The following SGIP1 variants were observed in gnomAD, a reference collection of about 807,000 sequenced individuals.
SGIP1 encodes SH3GL interacting endocytic adaptor 1.
In SGIP1, 38 loss-of-function variants were observed where a neutral mutation model predicts 107.5. The observed-to-expected ratio is 0.35, with a 90% CI of 0.27 to 0.46. The LOEUF (loss-of-function observed/expected upper bound fraction) is 0.46. Ranked by LOEUF, SGIP1 falls within the 20% of genes least tolerant of loss-of-function variation. The probability of loss-of-function intolerance (pLI) is 1.00; values close to 1 mark genes in which losing one functional copy is unlikely to be tolerated. For synonymous variants in SGIP1, 365 were observed against 366.1 expected (o/e 1.00, Z 0.03); for missense variants, 929 against 1,019.5 (o/e 0.91, Z 1.21).
chr1:66,613,607 G>A (rs893655253), intron 1 of SGIP1, among the ~76,000 whole-genome samples: 4 of 152,192 alleles, frequency 2.6e-5, no homozygotes, highest in South Asian at 2.1e-4. Flanking sequence ...TGGGATTACA[G>A]GCGTGAGCCA....
Position 66,615,382 on chromosome 1 carries a change from C to T in SGIP1, c.11-10465C>T, listed in dbSNP as rs555123741. 5.3e-5 allele frequency among the ~76,000 whole-genome samples: 8 copies of T among 152,314 alleles called. No individual in the cohort carries two copies. The South Asian group carries it at 1.7e-3, about 32-fold the overall frequency. ...TCCTGACCTCAGGTGACCCGCCTGC[C>T]TCAGCCTCCCAAAGTGGTGGAATTA... On this transcript the variant is annotated intron_variant, in intron 1 of 24. Coordinates refer to ENST00000371037, the MANE Select transcript of SGIP1 (RefSeq NM_032291.4).
chr1:66,552,372 AC>A (rs1369404584), intron 1 of SGIP1, among the ~76,000 whole-genome samples: 2 of 151,728 alleles, frequency 1.3e-5, no homozygotes, highest in African/African-American at 2.4e-5. Context: ...CTTCCACCTC[AC>A]CTTTCTTTTC....
chr1:66,698,340 A>C (rs2091310856), intron 18 of SGIP1, among the ~76,000 whole-genome samples: 2 of 151,720 alleles, frequency 1.3e-5, no homozygotes, highest in African/African-American at 2.4e-5. Context: ...ATTTATTTTA[A>C]GTTGGGAAAA....
chr1:66,683,700 C>CTTTTCTTTTTTTTTTTTTTT (rs2087379165), intron 15 of SGIP1, among the ~76,000 whole-genome samples: 1 of 61,392 alleles, frequency 1.6e-5, no homozygotes. Flanking sequence ...TGTTTCTTTT[C>CTTTTCTTTTTTTTTTTTTTT]TTTTTTTTTT....
intron 7 of SGIP1, chr1:66,660,155 GAAA>G (rs2081006337): frequency 2.0e-5 from 1 of 49,290 alleles, no homozygotes; most frequent in African/African-American, 1.4e-4. Flanking sequence ...GAGAAAGAAA[GAAA>G]GAAAGAAAGA....
intron 19 of SGIP1, among the ~76,000 whole-genome samples, chr1:66,720,104 T>A (rs2093449070): frequency 6.6e-6 from 1 of 152,206 alleles, no homozygotes. Context: ...TGCTAAGGAA[T>A]TCCATGGATA....
chr1:66,548,805 C>A (rs868661456), intron 1 of SGIP1, among the ~76,000 whole-genome samples: 4 of 152,304 alleles, frequency 2.6e-5, no homozygotes, highest in South Asian at 2.1e-4. Context: ...GAGATACCTA[C>A]TGTTCACCTT....
At chr1:66,676,902 G>T in intron 12 of SGIP1, 102 bp from the exon 13 acceptor site, 1 of 871,864 alleles carries the variant, frequency 1.1e-6, no homozygotes, top group Non-Finnish European at 1.8e-6. Flanking sequence ...GAGACAAGAG[G>T]AAAATAATTT....
rs1181537477 is a variant in SGIP1, at chr1:66,558,800, A to G, written c.10+24432A>G. On this transcript the variant is annotated intron_variant, in intron 1 of 24. Transcript: ENST00000371037. Reference sequence around the variant, plus strand: ...GGGTGTGTAGTTCTCTTTTTTTAGGAAAAAAAAAAAACCTTCTACAGCATC... The same window carrying G: ...GGGTGTGTAGTTCTCTTTTTTTAGGGAAAAAAAAAAACCTTCTACAGCATC... 3.9e-5 allele frequency among the ~76,000 whole-genome samples: 5 copies of G among 128,172 alleles called. No individual in the cohort carries two copies. The South Asian group carries it at 8.2e-4, about 21-fold the overall frequency. 84.1% of individuals were successfully genotyped at this position (128,172 alleles called of 152,430 possible). A position where few individuals can be genotyped will look rare whatever the true frequency, so the allele number is the denominator to read the frequency against.
At chr1:66,717,067 C>T (rs543314947) in intron 18 of SGIP1, among the ~76,000 whole-genome samples, 4 of 152,258 alleles carry the variant, frequency 2.6e-5, no homozygotes, top group African/African-American at 7.2e-5. Flanking sequence ...CTTTCCCTGA[C>T]CTATACAAGC....
chr1:66,654,084 T>C (rs1346499965), intron 7 of SGIP1, among the ~76,000 whole-genome samples: 3 of 152,106 alleles, frequency 2.0e-5, no homozygotes, highest in Non-Finnish European at 4.4e-5. Context: ...TAGAAAATAA[T>C]TGTTGATTGT....
intron 1 of SGIP1, among the ~76,000 whole-genome samples, chr1:66,567,353 TG>T (rs2059793821): frequency 6.6e-6 from 1 of 152,106 alleles, no homozygotes; most frequent in African/African-American, 2.4e-5. Flanking sequence ...TTGATGGGGT[TG>T]TTTTTTTCTT....
intron 17 of SGIP1, chr1:66,694,543 C>T: frequency 6.7e-7 from 1 of 1,494,798 alleles, no homozygotes; most frequent in Non-Finnish European, 8.9e-7. Context: ...GACCTAGATT[C>T]CAAAAATCCA....
intron 20 of SGIP1, among the ~76,000 whole-genome samples, chr1:66,730,839 G>A (rs1397119490): frequency 6.6e-6 from 1 of 152,222 alleles, no homozygotes; most frequent in African/African-American, 2.4e-5. Flanking sequence ...GGGCTTTGTA[G>A]TACTTGTTTC....
chr1:66,672,357 C>A (rs2084035024), intron 11 of SGIP1, among the ~76,000 whole-genome samples: 1 of 152,160 alleles, frequency 6.6e-6, no homozygotes, highest in South Asian at 2.1e-4. Context: ...TGGATACCAT[C>A]TCATGATACA....
At chr1:66,547,381 A>C (rs1012939404) in intron 1 of SGIP1, among the ~76,000 whole-genome samples, 7 of 152,222 alleles carry the variant, frequency 4.6e-5, no homozygotes, top group African/African-American at 1.7e-4. Flanking sequence ...AAGTGTGTTC[A>C]ACTGAAATCT....
intron 15 of SGIP1, among the ~76,000 whole-genome samples, chr1:66,684,501 A>T (rs2087712849): frequency 6.6e-6 from 1 of 152,194 alleles, no homozygotes; most frequent in Non-Finnish European, 1.5e-5. Flanking sequence ...ACCCAAAGAC[A>T]TTACTCGTCC....
chr1:66,566,971 C>T (rs888717049), intron 1 of SGIP1, among the ~76,000 whole-genome samples: 6 of 152,012 alleles, frequency 3.9e-5, no homozygotes, highest in African/African-American at 1.5e-4. Flanking sequence ...GTTTTGTTTT[C>T]TGTTCCTGTG....
intron 21 of SGIP1, among the ~76,000 whole-genome samples, chr1:66,735,826 C>CAA (rs1233871897): frequency 5.0e-5 from 4 of 79,210 alleles, no homozygotes; most frequent in Admixed American, 3.4e-4. Flanking sequence ...GACTCCGTCT[C>CAA]AAAAAAAAAA....
Sources: allele counts gnomAD v4.1 joint callset (sites outside exome capture counted in the v4.1 genomes callset), GRCh38; gene constraint gnomAD v4.1.1; transcripts MANE v1.5; gene names NCBI Gene and HGNC (gene_info 2026-07-23, HGNC 2026-07-21).